NTRK1: variants seen among roughly 807,000 people sequenced by gnomAD.
NTRK1 encodes the protein high affinity nerve growth factor receptor.
Under a neutral mutation model 86.8 loss-of-function variants are expected in NTRK1, and 62 were observed. That is an observed-to-expected ratio of 0.71 (90% CI 0.58 to 0.88). The LOEUF is 0.88. Among genes scored for constraint, NTRK1 ranks in the 40% least tolerant of loss-of-function variants. The pLI is 0.00. For missense variants in NTRK1, 967 were observed against 1,078.4 expected, an observed-to-expected ratio of 0.90 and a Z score of 1.45; for synonymous variants, 469 against 456.6, an observed-to-expected ratio of 1.03 and a Z score of -0.35.
chr1:156,845,427 G>A, intron 2 of NTRK1: 5 of 1,541,118 alleles, frequency 3.2e-6, no homozygotes, highest in Non-Finnish European at 3.5e-6. Context: ...GGGAGGCCAG[G>A]AGTAGCCCTA....
intron 1 of NTRK1, among the ~76,000 whole-genome samples, chr1:156,823,961 A>T (rs1480180921): frequency 6.6e-6 from 1 of 152,184 alleles, no homozygotes. Flanking sequence ...CTGTGTGCAC[A>T]CTTCCATAGG....
At chr1:156,839,799 G>T (rs1343128454) in intron 1 of NTRK1, among the ~76,000 whole-genome samples, 2 of 152,176 alleles carry the variant, frequency 1.3e-5, no homozygotes, top group African/African-American at 2.4e-5. Flanking sequence ...GGTTGGTTCT[G>T]CTTGGAGGCT....
At chr1:156,873,018 A>AGTGTGTTTGTGT (rs1647654501) in intron 7 of NTRK1, among the ~76,000 whole-genome samples, 1 of 130,954 alleles carries the variant, frequency 7.6e-6, no homozygotes, top group African/African-American at 2.9e-5. Context: ...TTTCAAAAAG[A>AGTGTGTTTGTGT]GTGTGTGTGT....
At chr1:156,822,236 G>A (rs1012838144) in intron 1 of NTRK1, among the ~76,000 whole-genome samples, 4 of 152,224 alleles carry the variant, frequency 2.6e-5, no homozygotes, top group Admixed American at 6.5e-5. Context: ...CTGTGCAAAC[G>A]GTGACATTCC....
rs139876524 is a variant in NTRK1, at chr1:156,866,901, C to A, written c.360-9C>A. On this transcript the variant is annotated splice_polypyrimidine_tract_variant and intron_variant, in intron 3 of 16. Coordinates refer to ENST00000524377, the MANE Select transcript of NTRK1 (RefSeq NM_002529.4). ...AGGGGTCTGTCTTGCTGTGTCTCCACGCCCGCAGGAATCTCTCCTTCAACG... is the reference window on the plus strand; with the variant it reads ...AGGGGTCTGTCTTGCTGTGTCTCCAAGCCCGCAGGAATCTCTCCTTCAACG... 1.9e-6 allele frequency: 3 copies of A among 1,614,028 alleles called. No individual in the cohort carries two copies. The African/African-American group carries it at 4.0e-5, about 22-fold the overall frequency.
chr1:156,857,163 ATGTGTGTGTGTGTGTGTGTG>A (rs57324546), upstream of NTRK1, among the ~76,000 whole-genome samples: 247 of 130,638 alleles, frequency 1.9e-3, 1 homozygote, highest in African/African-American at 6.3e-3. Flanking sequence ...GCAGCTGTGT[ATGTGTGTGTGTGTGTGTGTG>A]TGTGTGTGTG....
intron 13 of NTRK1, 75 bp downstream of exon 13, chr1:156,876,285 G>C (rs945092494): frequency 6.2e-7 from 1 of 1,611,400 alleles, no homozygotes; most frequent in South Asian, 1.1e-5. Flanking sequence ...GGACAGAGTG[G>C]GGGGAGATGC....
chr1:156,857,278 T>G (rs1357033092), upstream of NTRK1, among the ~76,000 whole-genome samples: 1 of 151,854 alleles, frequency 6.6e-6, no homozygotes, highest in Non-Finnish European at 1.5e-5. Context: ...AACACTTCTA[T>G]CCCTTCCAGG....
chr1:156,858,425 C>T (rs376750918), upstream of NTRK1: 12 of 805,822 alleles, frequency 1.5e-5, no homozygotes, highest in African/African-American at 1.7e-4. Flanking sequence ...ACCCCAACCC[C>T]CATGTTCCAG....
intron 2 of NTRK1, chr1:156,845,239 C>T (rs569399383): frequency 6.2e-7 from 1 of 1,610,520 alleles, no homozygotes; most frequent in Non-Finnish European, 8.5e-7. Flanking sequence ...TCTCGAAATC[C>T]GAGCTGTTGC....
intron 1 of NTRK1, among the ~76,000 whole-genome samples, chr1:156,829,297 C>T (rs1259848753): frequency 6.6e-6 from 1 of 152,268 alleles, no homozygotes; most frequent in Admixed American, 6.5e-5. Context: ...TGGGTGCCAC[C>T]ACCTAGAGCA....
chr1:156,846,981 G>A (rs1229721085), intron 2 of NTRK1, among the ~76,000 whole-genome samples: 1 of 152,192 alleles, frequency 6.6e-6, no homozygotes, highest in African/African-American at 2.4e-5. Flanking sequence ...CTCATCCTTA[G>A]CAGGGAATAT....
intron 14 of NTRK1, 152 bp from the exon 15 acceptor site, chr1:156,878,970 C>T: frequency 1.1e-6 from 1 of 893,414 alleles, no homozygotes; most frequent in Non-Finnish European, 1.7e-6. Flanking sequence ...CATCCCACCC[C>T]TCTGGACAGC....
chr1:156,871,262 T>C (rs2102899223), intron 6 of NTRK1, among the ~76,000 whole-genome samples: 1 of 152,292 alleles, frequency 6.6e-6, no homozygotes, highest in Non-Finnish European at 1.5e-5. Flanking sequence ...GATAATTAAA[T>C]ACGTGATCCA....
chr1:156,844,107 C>T lies in NTRK1; in HGVS notation c.50+1914C>T, dbSNP rs909007603. On this transcript the variant is annotated intron_variant, in intron 2 of 16. Transcript: ENST00000392302. ...TCTTTCTACTGTCTCATCTACCTCC[C>T]TTTGACAGACTTTATGATGAGGGCT... is the stretch of plus-strand genomic sequence containing the variant. The T allele has an allele frequency of 3.2e-5, 38 of 1,182,786 alleles. No homozygotes were observed. In the Admixed American group the frequency reaches 6.7e-4, roughly 21 times the overall value. The allele number at this position is 1,182,786 out of a possible 1,614,324, so 73.3% of individuals were successfully genotyped here. A position where few individuals can be genotyped will look rare whatever the true frequency, so the allele number is the denominator to read the frequency against.
intron 6 of NTRK1, among the ~76,000 whole-genome samples, chr1:156,869,166 G>T (rs1463985886): frequency 4.0e-5 from 6 of 151,882 alleles, no homozygotes; most frequent in African/African-American, 1.5e-4. Flanking sequence ...CCGCCTCTCG[G>T]GTTCAAGCGA....
Position 156,872,835 on chromosome 1 carries a change from C to T in NTRK1, c.851-798C>T, listed in dbSNP as rs1647639634. Among the ~76,000 whole-genome samples the T allele has an allele frequency of 6.6e-6, 1 of 151,896 alleles. No individual in the cohort carries two copies. Among genetic ancestry groups the T allele is most frequent in the African/African-American group, 2.4e-5 (1 of 41,320 alleles). On this transcript the variant is annotated intron_variant, in intron 7 of 16. Transcript: ENST00000524377. ...GGACTACAGGCGCCCTCCACCACGC[C>T]CAGCTAATTTTTTGTATTTTTTTAG...
upstream of NTRK1, chr1:156,860,864 G>C (rs1234696982): frequency 7.2e-7 from 1 of 1,384,454 alleles, no homozygotes; most frequent in Non-Finnish European, 9.3e-7. Flanking sequence ...CACATGTCGG[G>C]GGAGGCCTGG....
chr1:156,876,628 C>A, intron 14 of NTRK1, 56 bp downstream of exon 14: 3 of 1,560,672 alleles, frequency 1.9e-6, no homozygotes, highest in Non-Finnish European at 2.6e-6. Context: ...GCCCCGTCTT[C>A]CCTTCCCTAT....
Sources: gnomAD v4.1 joint callset for allele counts (sites outside exome capture counted in the v4.1 genomes callset) on GRCh38, gnomAD v4.1.1 for gene constraint, MANE v1.5 for transcripts, NCBI Gene and HGNC (gene_info 2026-07-23, HGNC 2026-07-21) for gene names.